Variants in SPAM1 observed in about 807,000 individuals in gnomAD.
SPAM1 encodes the protein sperm adhesion molecule 1.
A neutral mutation model predicts 29.6 loss-of-function variants in SPAM1; 22 were observed. That is an observed-to-expected ratio of 0.74 (90% CI 0.53 to 1.06). The LOEUF is 1.06. Ranked by LOEUF, SPAM1 falls within the 50% of genes least tolerant of loss-of-function variation. SPAM1 has a pLI of 0.00. For synonymous variants in SPAM1, 194 were observed against 204.6 expected (o/e 0.95, Z 0.44); for missense variants, 534 against 604.0 (o/e 0.88, Z 1.21).
chr7:123,936,983 A>G (rs768099581), intron 1 of SPAM1, among the ~76,000 whole-genome samples: 37 of 152,282 alleles, frequency 2.4e-4, no homozygotes, highest in Non-Finnish European at 4.3e-4. Context: ...CTTATTAACC[A>G]CATTCTTTAC....
rs1368525974 is a variant in SPAM1, at chr7:123,944,078, T to A, written c.-318-5794T>A. Among the ~76,000 whole-genome samples the A allele has an allele frequency of 2.0e-5, 3 of 152,170 alleles. No individual in the cohort carries two copies. In the East Asian group the frequency reaches 5.8e-4, roughly 29 times the overall value. On this transcript the variant is annotated intron_variant, in intron 1 of 4. Coordinates refer to ENST00000682466, the MANE Select transcript of SPAM1 (RefSeq NM_153189.3). Reference sequence around the variant, plus strand: ...GTCTTGCTTCAGCGTGCCTTCAACATTAATGGTTAATTTATAGAGAAACTG... The same window carrying A: ...GTCTTGCTTCAGCGTGCCTTCAACAATAATGGTTAATTTATAGAGAAACTG...
At chr7:123,959,411 A>C (rs1792315776) in intron 4 of SPAM1, 73 bp from the exon 5 acceptor site, 1 of 1,077,914 alleles carries the variant, frequency 9.3e-7, no homozygotes, top group South Asian at 1.6e-5. Context: ...AAAATTGCTT[A>C]ATACACTAAA....
chr7:123,929,895 A>ATTTTTTTTTTTTTTTTTTTTT (rs71163712), intron 1 of SPAM1, among the ~76,000 whole-genome samples: 1 of 119,830 alleles, frequency 8.3e-6, no homozygotes, highest in African/African-American at 3.1e-5. Flanking sequence ...GTGTTTAGGG[A>ATTTTTTTTTTTTTTTTTTTTT]TTTTTTTTTT....
intron 1 of SPAM1, among the ~76,000 whole-genome samples, chr7:123,937,255 G>A (rs2402677): frequency 0.5 from 75,244 of 151,920 alleles, 19,109 homozygotes; most frequent in Non-Finnish European, 0.54. Context: ...ATTTAATAAT[G>A]TTGGTAGTCC....
chr7:123,940,285 G>C (rs1808391274), intron 1 of SPAM1, among the ~76,000 whole-genome samples: 1 of 151,732 alleles, frequency 6.6e-6, no homozygotes, highest in Non-Finnish European at 1.5e-5. Flanking sequence ...TTGATGAGTG[G>C]CTCTGAAAAT....
intron 1 of SPAM1, among the ~76,000 whole-genome samples, chr7:123,946,553 T>A (rs539444579): frequency 6.6e-6 from 1 of 152,158 alleles, no homozygotes; most frequent in Non-Finnish European, 1.5e-5. Context: ...TCCTGACAAA[T>A]GTCCTCAAGT....
intron 1 of SPAM1, among the ~76,000 whole-genome samples, chr7:123,937,424 A>C (rs181266945): frequency 2.2e-4 from 33 of 152,084 alleles, no homozygotes; most frequent in African/African-American, 8.0e-4. Flanking sequence ...ACATGGTGAA[A>C]TCCCGTCTCT....
intron 1 of SPAM1, among the ~76,000 whole-genome samples, chr7:123,944,599 G>A (rs1476292763): frequency 6.6e-6 from 1 of 152,078 alleles, no homozygotes; most frequent in East Asian, 1.9e-4. Flanking sequence ...TAATGAGAAT[G>A]GCACTTGAAT....
chr7:123,958,608 G>T (rs796135331), intron 4 of SPAM1, among the ~76,000 whole-genome samples: 5 of 152,038 alleles, frequency 3.3e-5, no homozygotes, highest in African/African-American at 4.8e-5. Flanking sequence ...TGGGAGGATT[G>T]CTTGAGCCCA....
At chr7:123,933,274 T>C (rs1353362468) in intron 1 of SPAM1, among the ~76,000 whole-genome samples, 3 of 152,104 alleles carry the variant, frequency 2.0e-5, no homozygotes, top group Middle Eastern at 3.4e-3. Flanking sequence ...CCTGTGACCA[T>C]GTGTTCTCAT....
chr7:123,954,416 T>G lies in SPAM1; in HGVS notation c.846T>G (p.Val282=), dbSNP rs2117061529. ...CTACACTCTATGTGCGCAATCGAGT[T>G]CGGGAAGCCATCAGAGTTTCCAAAA... ...VAATLYVRNR[V]REAIRVSKIP... The change falls in exon 3 of 5, where the codon GTT becomes GTG. Residue 282 remains valine (V), a synonymous_variant. Coordinates refer to ENST00000682466, the MANE Select transcript of SPAM1 (RefSeq NM_153189.3). 1 of 1,613,476 alleles carries G rather than the reference T, an allele frequency of 6.2e-7. No homozygotes were observed. Among genetic ancestry groups the G allele is most frequent in the Middle Eastern group, 1.7e-4 (1 of 6,058 alleles).
intron 1 of SPAM1, among the ~76,000 whole-genome samples, chr7:123,939,661 C>G (rs890931450): frequency 6.6e-6 from 1 of 152,178 alleles, no homozygotes; most frequent in African/African-American, 2.4e-5. Context: ...TTCTGCTAAT[C>G]AAACTCTAAT....
chr7:123,933,404 C>T (rs1808151278), intron 1 of SPAM1, among the ~76,000 whole-genome samples: 1 of 151,922 alleles, frequency 6.6e-6, no homozygotes, highest in Admixed American at 6.6e-5. Context: ...CCTTCATAGA[C>T]AAAAATGAAA....
intron 5 of SPAM1, among the ~76,000 whole-genome samples, chr7:123,965,314 A>G (rs573515552): frequency 6.6e-6 from 1 of 152,060 alleles, no homozygotes; most frequent in South Asian, 2.1e-4. Context: ...GTATCCATCC[A>G]TCATGAAGAA....
At chr7:123,956,790 A>G (rs541888006) in intron 4 of SPAM1, among the ~76,000 whole-genome samples, 5 of 152,124 alleles carry the variant, frequency 3.3e-5, no homozygotes, top group Admixed American at 2.6e-4. Context: ...ACTTCACACC[A>G]TGGTACCATA....
chr7:123,943,083 A>T (rs1414487224), intron 1 of SPAM1, among the ~76,000 whole-genome samples: 1 of 152,148 alleles, frequency 6.6e-6, no homozygotes, highest in Non-Finnish European at 1.5e-5. Flanking sequence ...ATTTCAAAAG[A>T]AAAGTTTTTC....
chr7:123,970,224 T>C (rs1563035859), exon 6 of SPAM1: 12 of 1,549,130 alleles, frequency 7.7e-6, no homozygotes, highest in East Asian at 7.3e-5. Context: ...GGGATCAAGG[T>C]ATTAGCAGAA....
chr7:123,970,998 A>G (rs1792491360), intron 6 of SPAM1: 3 of 148,720 alleles, frequency 2.0e-5, no homozygotes, highest in South Asian at 4.3e-4. Context: ...CATGATCAAT[A>G]TCCTTTAGGA....
intron 5 of SPAM1, among the ~76,000 whole-genome samples, chr7:123,966,412 A>C (rs1032365168): frequency 1.3e-5 from 2 of 152,092 alleles, no homozygotes; most frequent in Non-Finnish European, 2.9e-5. Flanking sequence ...CAGCAATCCC[A>C]TTACTGGGTA....
Sources: allele counts gnomAD v4.1 joint callset (sites outside exome capture counted in the v4.1 genomes callset), GRCh38; gene constraint gnomAD v4.1.1; transcripts MANE v1.5; gene names NCBI Gene and HGNC (gene_info 2026-07-23, HGNC 2026-07-21).